ETAA1: variants seen among roughly 807,000 people sequenced by gnomAD.
The protein encoded by ETAA1 is ETAA1 activator of ATR kinase.
In ETAA1, 49 loss-of-function variants were observed where a neutral mutation model predicts 76.8. That is an observed-to-expected ratio of 0.64 (90% CI 0.51 to 0.81). The LOEUF is 0.81. Ranked by LOEUF, ETAA1 falls within the 30% of genes least tolerant of loss-of-function variation. The pLI, the probability that ETAA1 is intolerant of heterozygous loss-of-function variation, is 0.00. For synonymous variants in ETAA1, 373 were observed against 372.2 expected, an observed-to-expected ratio of 1.00 and a Z score of -0.03; for missense variants, 1,099 against 1,074.0, an observed-to-expected ratio of 1.02 and a Z score of -0.32.
At chr2:67,403,086 A>G (rs941501189) in intron 4 of ETAA1, 112 bp downstream of exon 4, 2 of 1,132,846 alleles carry the variant, frequency 1.8e-6, no homozygotes, top group African/African-American at 3.2e-5. Flanking sequence ...AAATTTCCAC[A>G]GTTTTGATCT....
chr2:67,405,028 T>G lies in ETAA1; in HGVS notation c.2346T>G (p.His782Gln). Residue 782 changes from histidine to glutamine, a missense_variant, in exon 5 of 6, where the codon CAT (histidine) becomes CAG (glutamine). Around this residue, in one of 3 missense-constraint regions of ETAA1, gnomAD observed 302 missense variants for 278.1 expected, o/e 1.09. Transcript: ENST00000272342. ...CAAGTTTGAATGTAACTTCAGATCA[T>G]ATGAATACAGAAATTACTACTTATA... is the stretch of plus-strand genomic sequence containing the variant. Reference protein sequence around the residue: ...GSSSLNVTSDHMNTEITTYKK... With the variant: ...GSSSLNVTSDQMNTEITTYKK... The G allele has an allele frequency of 6.2e-7, 1 of 1,611,706 alleles. No individual in the cohort carries two copies. The highest frequency in any genetic ancestry group is 8.5e-7 in the Non-Finnish European group (1 of 1,178,782).
In ETAA1 at chr2:67,411,422, C is replaced by T. The variant is rs962915969; in HGVS notation, c.*1384C>T. 2.0e-5 allele frequency: 3 copies of T among 152,082 alleles called. No homozygotes were observed. Among genetic ancestry groups the T allele is most frequent in the Non-Finnish European group, 2.9e-5 (2 of 67,990 alleles). 9.4% of individuals were successfully genotyped at this position (152,082 alleles called of 1,614,324 possible). On this transcript the variant is annotated 3_prime_UTR_variant, in exon 6 of 6. Transcript: ENST00000272342. ...TTAAGTTAAAAATGCATTTACTACA[C>T]TTAATCTACCAGACAACATAGCTTA... is the stretch of plus-strand genomic sequence containing the variant.
intron 3 of ETAA1, chr2:67,402,197 A>G (rs984499921): frequency 6.6e-6 from 1 of 151,906 alleles, no homozygotes; most frequent in African/African-American, 2.4e-5. Context: ...CAGCAAAAGT[A>G]TCCAGGTCTA....
intron 5 of ETAA1, among the ~76,000 whole-genome samples, chr2:67,409,258 A>G (rs1676301208): frequency 1.3e-5 from 2 of 152,020 alleles, no homozygotes; most frequent in African/African-American, 2.4e-5. Context: ...TTCTAATACA[A>G]AGCCTCAACT....
rs1226638000 is a variant in ETAA1, at chr2:67,403,695, A to G, written c.1013A>G (p.Lys338Arg). 6.2e-7 allele frequency: 1 copy of G among 1,613,422 alleles called. No homozygotes were observed. Among genetic ancestry groups the G allele is most frequent in the South Asian group, 1.1e-5 (1 of 91,066 alleles). Residue 338 changes from lysine to arginine, a missense_variant, in exon 5 of 6, where the codon AAA (lysine) becomes AGA (arginine). By Grantham distance (26) the Lys-to-Arg change is conservative. Coordinates refer to ENST00000272342, the MANE Select transcript of ETAA1 (RefSeq NM_019002.4). ...CTGGTCATTGAAAAACTGTCAAATA[A>G]AACCCCACGATCACTTTCTTCTCAA... is the stretch of plus-strand genomic sequence containing the variant. ...ETLVIEKLSN[K>R]TPRSLSSQVD...
At position 67,403,930 on chromosome 2, in the gene ETAA1, T is replaced by C. The variant is rs1387175393; in HGVS notation, c.1248T>C (p.Ile416=). The part of the protein sequence containing the change: ...KTAHVTDQKE[I]CTFNSKTVKN... The stretch of plus-strand genomic sequence containing the variant: ...CCCATGTTACTGATCAAAAGGAAAT[T>C]TGTACCTTTAATAGTAAAACTGTTA... Residue 416 remains isoleucine (I), a synonymous_variant, in exon 5 of 6, where the codon ATT becomes ATC. Coordinates refer to ENST00000272342, the MANE Select transcript of ETAA1 (RefSeq NM_019002.4). 1.9e-6 allele frequency: 3 copies of C among 1,611,652 alleles called. No individual in the cohort carries two copies. The highest frequency in any genetic ancestry group is 2.7e-5 in the African/African-American group (2 of 74,706).
At chr2:67,409,765 T>C (rs1676318502) in intron 5 of ETAA1, 146 bp from the exon 6 acceptor site, 1 of 686,606 alleles carries the variant, frequency 1.5e-6, no homozygotes, top group African/African-American at 1.8e-5. Context: ...ATTATGTACT[T>C]AGAATTTTAT....
chr2:67,397,863 C>T (rs988928055), intron 1 of ETAA1, among the ~76,000 whole-genome samples, 192 bp downstream of exon 1: 1 of 152,140 alleles, frequency 6.6e-6, no homozygotes, highest in Non-Finnish European at 1.5e-5. Flanking sequence ...TCAGCACTAC[C>T]CCGTTAGGTT....
intron 1 of ETAA1, among the ~76,000 whole-genome samples, chr2:67,398,274 C>G (rs1021942088): frequency 2.0e-5 from 3 of 147,586 alleles, no homozygotes; most frequent in Non-Finnish European, 3.0e-5. Context: ...CATACAAAAG[C>G]CTTTATTCTG....
At chr2:67,397,720 A>T in intron 1 of ETAA1, 49 bp downstream of exon 1, 1 of 1,514,748 alleles carries the variant, frequency 6.6e-7, no homozygotes, top group Non-Finnish European at 8.9e-7. Context: ...CCGCATCCCC[A>T]CATCCCAGCT....
In ETAA1 at chr2:67,404,365, T is replaced by C; in HGVS notation, c.1683T>C (p.Ser561=). Residue 561 remains serine, a synonymous_variant, in exon 5 of 6, where the codon AGT becomes AGC. Coordinates refer to ENST00000272342, the MANE Select transcript of ETAA1 (RefSeq NM_019002.4). ...CTGCAAATCTAGGCAGTAAAACCAG[T>C]GTTAGTAACCCAAATCAGACTAGTG... The part of the protein sequence containing the change: ...FGSANLGSKT[S]VSNPNQTSAS... 1 of 1,613,298 alleles carries C rather than the reference T, an allele frequency of 6.2e-7. No individual in the cohort carries two copies. Among genetic ancestry groups the C allele is most frequent in the Non-Finnish European group, 8.5e-7 (1 of 1,179,472 alleles).
At position 67,398,239 on chromosome 2, in the gene ETAA1, G is replaced by T. The variant is rs536789262; in HGVS notation, c.223+568G>T. ...GGTGTTACTTTTTAAAAGACTTCTA[G>T]TAAATCTTAGTTGGAACTGAAACTC... is the stretch of plus-strand genomic sequence containing the variant. On this transcript the variant is annotated intron_variant, in intron 1 of 5. Transcript: ENST00000272342. Among the ~76,000 whole-genome samples, 6 of 146,538 alleles carry T rather than the reference G, an allele frequency of 4.1e-5. No homozygotes were observed. In the South Asian group the frequency reaches 1.3e-3, roughly 33 times the overall value.
chr2:67,397,729 C>A, intron 1 of ETAA1, 58 bp downstream of exon 1: 1 of 1,493,114 alleles, frequency 6.7e-7, no homozygotes, highest in Non-Finnish European at 9.1e-7. Context: ...CACATCCCAG[C>A]TTGCAACAGG....
rs143634492 is a variant in ETAA1 at position 67,397,478 on chromosome 2, C to A, written c.30C>A (p.Ser10Arg). MSRRRKHDD[S>R]PSPKKTPHKT... ...GTCGGCGAAGGAAACATGATGACAG[C>A]CCTAGCCCGAAGAAAACGCCGCACA... Residue 10 changes from serine (S) to arginine (R), a missense_variant, in exon 1 of 6, where the codon AGC becomes AGA. Around this residue, in one of 3 missense-constraint regions of ETAA1, gnomAD observed 761 missense variants for 731.9 expected, o/e 1.04. Coordinates refer to ENST00000272342, the MANE Select transcript of ETAA1 (RefSeq NM_019002.4). 5.0e-6 allele frequency: 8 copies of A among 1,602,286 alleles called. No homozygotes were observed. The highest frequency in any genetic ancestry group is 6.8e-6 in the Non-Finnish European group (8 of 1,174,486).
chr2:67,404,328 A>T lies in ETAA1; in HGVS notation c.1646A>T (p.Asp549Val). 2 of 1,613,102 alleles carry T rather than the reference A, an allele frequency of 1.2e-6. No individual in the cohort carries two copies. The highest frequency in any genetic ancestry group is 1.7e-6 in the Non-Finnish European group (2 of 1,179,398). Residue 549 changes from aspartate (D) to valine (V), a missense_variant, in exon 5 of 6, where the codon GAT (aspartate) becomes GTT (valine). By Grantham distance (152) the Asp-to-Val change is radical. Coordinates refer to ENST00000272342, the MANE Select transcript of ETAA1 (RefSeq NM_019002.4). ...NQSIKAPVNT[D>V]LFGSANLGSK... ...TCTATTAAAGCCCCTGTTAATACTG[A>T]TCTTTTTGGCTCTGCAAATCTAGGC...
Position 67,399,234 on chromosome 2 carries a change from A to T in ETAA1, c.289A>T (p.Asn97Tyr). The T allele has an allele frequency of 1.2e-6, 2 of 1,613,602 alleles. No individual in the cohort carries two copies. Among genetic ancestry groups the T allele is most frequent in the Non-Finnish European group, 1.7e-6 (2 of 1,179,600 alleles). The change falls in exon 2 of 6, where the codon AAT (asparagine) becomes TAT (tyrosine). Residue 97 changes from asparagine to tyrosine, a missense_variant. Asn to Tyr is a moderately radical substitution (Grantham distance 143). Around this residue, in one of 3 missense-constraint regions of ETAA1, gnomAD observed 761 missense variants for 731.9 expected, o/e 1.04. Coordinates refer to ENST00000272342, the MANE Select transcript of ETAA1 (RefSeq NM_019002.4). The part of the protein sequence containing the change: ...DSLSSSFSSP[N>Y]DPDGQNDIFW... The stretch of plus-strand genomic sequence containing the variant: ...ACTGTCATCTTCCTTCAGTTCTCCT[A>T]ATGATCCAGATGGACAGAATGATAT...
rs377725871 is a variant in ETAA1, at chr2:67,405,052, T to A, written c.2370T>A (p.Tyr790Ter). The A allele has an allele frequency of 6.2e-7, 1 of 1,611,688 alleles. No homozygotes were observed. Among genetic ancestry groups the A allele is most frequent in the Non-Finnish European group, 8.5e-7 (1 of 1,178,894 alleles). The change falls in exon 5 of 6, where the codon TAT (tyrosine) becomes TAA (stop). Residue 790 changes from tyrosine to a stop codon, truncating the protein, a stop_gained. Coordinates refer to ENST00000272342, the MANE Select transcript of ETAA1 (RefSeq NM_019002.4). LOFTEE classifies it high-confidence loss of function. The stretch of plus-strand genomic sequence containing the variant: ...ATATGAATACAGAAATTACTACTTA[T>A]AAGAAGAAATTGAGTACTAATCAGC... ...SDHMNTEITT[Y>*]KKKLSTNQPC...
Position 67,397,447 on chromosome 2 carries a change from C to T in ETAA1, c.-2C>T. ...GCGGCTGGTGGAGGCGGGCCATAGG[C>T]AATGAGTCGGCGAAGGAAACATGAT... On this transcript the variant is annotated 5_prime_UTR_variant, in exon 1 of 6. Coordinates refer to ENST00000272342, the MANE Select transcript of ETAA1 (RefSeq NM_019002.4). 6.3e-7 allele frequency: 1 copy of T among 1,588,422 alleles called. No individual in the cohort carries two copies. The highest frequency in any genetic ancestry group is 2.3e-5 in the East Asian group (1 of 43,638).
At chr2:67,400,723 A>G (rs1676030662) in intron 3 of ETAA1, 1 of 152,168 alleles carries the variant, frequency 6.6e-6, no homozygotes, top group Non-Finnish European at 1.5e-5. Flanking sequence ...TTGAATAGTT[A>G]CTATATGTTG....
Sources: gnomAD v4.1 joint callset for allele counts (sites outside exome capture counted in the v4.1 genomes callset) on GRCh38, gnomAD v4.1.1 for gene constraint, gnomAD v4.1.1 regional missense constraint, MANE v1.5 for transcripts, NCBI Gene and HGNC (gene_info 2026-07-23, HGNC 2026-07-21) for gene names.